Variants in CRTAM observed in about 807,000 individuals in gnomAD.
CRTAM encodes the protein cytotoxic and regulatory T-cell molecule.
In CRTAM, 44 loss-of-function variants were observed where a neutral mutation model predicts 50.0. That is an observed-to-expected ratio of 0.88 (90% CI 0.69 to 1.13). The LOEUF (loss-of-function observed/expected upper bound fraction) is 1.13. Ranked by LOEUF, CRTAM falls within the 50% of genes most tolerant of loss-of-function variation. The pLI is 0.00. For synonymous variants in CRTAM, 159 were observed against 169.3 expected, an observed-to-expected ratio of 0.94 and a Z score of 0.47; for missense variants, 448 against 457.5, an observed-to-expected ratio of 0.98 and a Z score of 0.19.
At chr11:122,869,880 T>C (rs1862232573) in intron 9 of CRTAM, among the ~76,000 whole-genome samples, 1 of 152,174 alleles carries the variant, frequency 6.6e-6, no homozygotes, top group South Asian at 2.1e-4. Context: ...TCCAAGTCGA[T>C]TGTGTTGCAA....
At position 122,871,706 on chromosome 11, in the gene CRTAM, C is replaced by T. The variant is rs1862256351; in HGVS notation, c.*307C>T. 1 of 182,592 alleles carries T rather than the reference C, an allele frequency of 5.5e-6. No homozygotes were observed. Among genetic ancestry groups the T allele is most frequent in the Non-Finnish European group, 1.1e-5 (1 of 88,276 alleles). The allele number at this position is 182,592 out of a possible 1,614,324, so 11.3% of individuals were successfully genotyped here. On this transcript the variant is annotated 3_prime_UTR_variant, in exon 10 of 10. Coordinates refer to ENST00000227348, the MANE Select transcript of CRTAM (RefSeq NM_019604.4). The stretch of plus-strand genomic sequence containing the variant: ...AGTGTGAGCAGCTAACATCCTACCT[C>T]AAATGGAACAGGATTTTTTGATGCT...
chr11:122,865,275 T>A (rs1284247338), intron 7 of CRTAM, among the ~76,000 whole-genome samples: 1 of 152,232 alleles, frequency 6.6e-6, no homozygotes, highest in Non-Finnish European at 1.5e-5. Context: ...CCTCCGGTGA[T>A]CTGCCTGCCT....
intron 8 of CRTAM, among the ~76,000 whole-genome samples, chr11:122,867,811 C>T (rs1046664553): frequency 3.9e-5 from 6 of 152,100 alleles, no homozygotes; most frequent in African/African-American, 1.4e-4. Flanking sequence ...CTTCTATTCA[C>T]AGAAGGATAA....
chr11:122,842,050 T>C (rs569802946), intron 1 of CRTAM, among the ~76,000 whole-genome samples: 3 of 152,156 alleles, frequency 2.0e-5, no homozygotes, highest in South Asian at 4.2e-4. Context: ...CAAGAGAATA[T>C]CATAGAAAAA....
chr11:122,868,368 G>A (rs926844528), intron 9 of CRTAM, among the ~76,000 whole-genome samples: 1 of 152,138 alleles, frequency 6.6e-6, no homozygotes, highest in Non-Finnish European at 1.5e-5. Context: ...AAAGGCCTGA[G>A]AACTCAGGGG....
intron 1 of CRTAM, among the ~76,000 whole-genome samples, chr11:122,843,249 T>G (rs142253271): frequency 8.5e-5 from 13 of 152,328 alleles, no homozygotes; most frequent in African/African-American, 3.1e-4. Context: ...TTTGGGATGG[T>G]GATGACGGTG....
intron 9 of CRTAM, among the ~76,000 whole-genome samples, chr11:122,870,454 G>A (rs1862239523): frequency 6.6e-6 from 1 of 152,144 alleles, no homozygotes; most frequent in South Asian, 2.1e-4. Flanking sequence ...ATCTTCAGGG[G>A]TTTGCTGGGG....
At chr11:122,870,029 T>C (rs1862233895) in intron 9 of CRTAM, among the ~76,000 whole-genome samples, 1 of 152,192 alleles carries the variant, frequency 6.6e-6, no homozygotes, top group African/African-American at 2.4e-5. Flanking sequence ...TAGAATTATG[T>C]CTGTTAGCTG....
chr11:122,866,278 C>T (rs1292267652), intron 7 of CRTAM, among the ~76,000 whole-genome samples: 2 of 152,196 alleles, frequency 1.3e-5, no homozygotes, highest in Non-Finnish European at 2.9e-5. Context: ...TCTCCTTACT[C>T]CCTCTTCAAG....
At chr11:122,841,363 T>A (rs935808180) in intron 1 of CRTAM, among the ~76,000 whole-genome samples, 1 of 151,916 alleles carries the variant, frequency 6.6e-6, no homozygotes, top group Non-Finnish European at 1.5e-5. Flanking sequence ...AAAGTTAGCA[T>A]CCTATTATAA....
intron 3 of CRTAM, among the ~76,000 whole-genome samples, chr11:122,853,158 C>A (rs908095406): frequency 2.6e-5 from 4 of 151,772 alleles, no homozygotes; most frequent in Non-Finnish European, 5.9e-5. Context: ...ACCTCCCCAT[C>A]CCAGGTTCAA....
At chr11:122,869,323 G>A (rs1591358848) in intron 9 of CRTAM, among the ~76,000 whole-genome samples, 2 of 152,180 alleles carry the variant, frequency 1.3e-5, no homozygotes, top group African/African-American at 4.8e-5. Context: ...TTTAGGTGGT[G>A]AGTAATCAGA....
chr11:122,861,710 A>G (rs924350069), intron 5 of CRTAM, among the ~76,000 whole-genome samples: 24 of 151,760 alleles, frequency 1.6e-4, no homozygotes, highest in East Asian at 3.9e-4. Flanking sequence ...CAAAGTGCTG[A>G]GATTACAGGT....
intron 5 of CRTAM, among the ~76,000 whole-genome samples, chr11:122,856,582 C>T (rs1862010682): frequency 6.6e-6 from 1 of 152,230 alleles, no homozygotes; most frequent in South Asian, 2.1e-4. Context: ...TCTGTGTAAT[C>T]AAATCCTAAA....
rs754609074 is a variant in CRTAM, at chr11:122,855,702, G to A, written c.498G>A (p.Thr166=). 3 of 1,613,938 alleles carry A rather than the reference G, an allele frequency of 1.9e-6. No homozygotes were observed. The highest frequency in any genetic ancestry group is 2.5e-6 in the Non-Finnish European group (3 of 1,179,874). The change falls in exon 5 of 10, where the codon ACG becomes ACA. Residue 166 remains threonine (T), a synonymous_variant. Transcript: ENST00000227348. ...CTTCAAATTGCTACATAGGTGGAAC[G>A]CTCCATGAATTTGAAACTGATGGGA... The part of the protein sequence containing the change: ...LGNSMEVSGG[T]LHEFETDGKK...
At chr11:122,863,398 T>C (rs1236344082) in intron 6 of CRTAM, among the ~76,000 whole-genome samples, 1 of 151,562 alleles carries the variant, frequency 6.6e-6, no homozygotes, top group African/African-American at 2.4e-5. Context: ...TTGGTTATGG[T>C]GCTTTGAGCA....
chr11:122,864,851 C>T, intron 7 of CRTAM, 132 bp downstream of exon 7: 1 of 639,710 alleles, frequency 1.6e-6, no homozygotes, highest in South Asian at 2.0e-5. Context: ...GTTAATCACT[C>T]CCTTGTCCCT....
chr11:122,853,028 T>A (rs1861952422), intron 3 of CRTAM, among the ~76,000 whole-genome samples: 1 of 150,862 alleles, frequency 6.6e-6, no homozygotes, highest in South Asian at 2.1e-4. Flanking sequence ...GACAGAAGTA[T>A]AAAGAAAAAG....
At chr11:122,852,285 C>T (rs571804510) in intron 3 of CRTAM, among the ~76,000 whole-genome samples, 1 of 152,168 alleles carries the variant, frequency 6.6e-6, no homozygotes, top group Non-Finnish European at 1.5e-5. Context: ...TCAGATGTAG[C>T]TGCACTGCTT....
Sources: allele counts gnomAD v4.1 joint callset (sites outside exome capture counted in the v4.1 genomes callset), GRCh38; gene constraint gnomAD v4.1.1; transcripts MANE v1.5; gene names NCBI Gene and HGNC (gene_info 2026-07-23, HGNC 2026-07-21).